Variants in ELAVL2 observed in about 807,000 individuals in gnomAD.
The protein encoded by ELAVL2 is ELAV-like protein 2.
ELAVL2 carries 4 observed loss-of-function variants against 34.6 expected under a neutral mutation model. The ratio of observed to expected loss-of-function variants is 0.12; its 90% CI spans 0.06 to 0.26. The LOEUF is 0.26. ELAVL2 is among the 10% of genes least tolerant of loss of function. The pLI, the probability that ELAVL2 is intolerant of heterozygous loss-of-function variation, is 1.00. For missense variants in ELAVL2, 432 were observed against 442.8 expected (o/e 0.98, Z 0.22); for synonymous variants, 193 against 154.8 (o/e 1.25, Z -1.83).
chr9:23,792,887 C>T (rs1459564073), intron 1 of ELAVL2, among the ~76,000 whole-genome samples: 1 of 152,134 alleles, frequency 6.6e-6, no homozygotes, highest in East Asian at 1.9e-4. Flanking sequence ...CCTCCCCCGT[C>T]GGCCTTCCAA....
At chr9:23,779,157 T>C in intron 1 of ELAVL2, 2 of 981,916 alleles carry the variant, frequency 2.0e-6, no homozygotes, top group South Asian at 4.7e-5. Flanking sequence ...AACTGTCTCA[T>C]GACAAACCAC....
At chr9:23,789,488 G>C (rs904343651) in intron 1 of ELAVL2, among the ~76,000 whole-genome samples, 2 of 152,060 alleles carry the variant, frequency 1.3e-5, no homozygotes, top group African/African-American at 4.8e-5. Flanking sequence ...AATACAATTC[G>C]GTAAAACTTT....
chr9:23,781,850 A>G (rs942710060), intron 1 of ELAVL2, among the ~76,000 whole-genome samples: 18 of 152,028 alleles, frequency 1.2e-4, no homozygotes, highest in African/African-American at 4.3e-4. Flanking sequence ...ACGCCCGGCT[A>G]ATTTTTTGTA....
intron 3 of ELAVL2, among the ~76,000 whole-genome samples, chr9:23,719,048 A>G (rs944073236): frequency 5.9e-5 from 9 of 152,212 alleles, no homozygotes; most frequent in African/African-American, 1.9e-4. Flanking sequence ...TAAAGAGACC[A>G]TATCATTGCC....
chr9:23,719,781 G>T (rs2043189044), intron 3 of ELAVL2, among the ~76,000 whole-genome samples: 1 of 151,156 alleles, frequency 6.6e-6, no homozygotes. Context: ...TGGTTGGCAG[G>T]CTATAAAAAT....
At chr9:23,711,027 A>G (rs1353854773) in intron 3 of ELAVL2, among the ~76,000 whole-genome samples, 1 of 152,214 alleles carries the variant, frequency 6.6e-6, no homozygotes, top group African/African-American at 2.4e-5. Flanking sequence ...TCAAACACAC[A>G]TCAAGGCATA....
At chr9:23,749,547 G>C (rs1180481616) in intron 2 of ELAVL2, among the ~76,000 whole-genome samples, 1 of 151,962 alleles carries the variant, frequency 6.6e-6, no homozygotes. Flanking sequence ...CAAAATCCAA[G>C]GTGGCATAAT....
intron 3 of ELAVL2, among the ~76,000 whole-genome samples, chr9:23,706,230 A>C (rs2039288048): frequency 6.6e-6 from 1 of 152,172 alleles, no homozygotes; most frequent in Non-Finnish European, 1.5e-5. Context: ...AGGACGAAAG[A>C]CAAAATAGGT....
At chr9:23,807,055 A>G (rs1257458754) in intron 1 of ELAVL2, among the ~76,000 whole-genome samples, 1 of 152,176 alleles carries the variant, frequency 6.6e-6, no homozygotes, top group Non-Finnish European at 1.5e-5. Flanking sequence ...ATCCATGTTA[A>G]ATCAAACAAT....
chr9:23,797,193 T>A (rs760018310), intron 1 of ELAVL2, among the ~76,000 whole-genome samples: 2 of 152,084 alleles, frequency 1.3e-5, no homozygotes, highest in Non-Finnish European at 1.5e-5. Context: ...CCAGAATGAA[T>A]CCTACTAATT....
chr9:23,717,803 T>C (rs1051260873), intron 3 of ELAVL2, among the ~76,000 whole-genome samples: 2 of 152,198 alleles, frequency 1.3e-5, no homozygotes, highest in African/African-American at 4.8e-5. Flanking sequence ...TGTCTTATTT[T>C]AATGCTGTTC....
chr9:23,792,875 A>T (rs922193774), intron 1 of ELAVL2, among the ~76,000 whole-genome samples: 1 of 151,940 alleles, frequency 6.6e-6, no homozygotes. Flanking sequence ...GAATCATGCT[A>T]TCCTCCCCCG....
intron 2 of ELAVL2, among the ~76,000 whole-genome samples, chr9:23,741,929 G>A (rs2049302239): frequency 6.6e-6 from 1 of 152,150 alleles, no homozygotes; most frequent in Admixed American, 6.5e-5. Flanking sequence ...CAAGTGGCAA[G>A]CAGCTGAACC....
chr9:23,751,235 AATG>A (rs1173976654), intron 2 of ELAVL2, among the ~76,000 whole-genome samples: 1 of 152,214 alleles, frequency 6.6e-6, no homozygotes, highest in Non-Finnish European at 1.5e-5. Context: ...CAAAAAGTAC[AATG>A]ATGAGAAAAG....
intron 2 of ELAVL2, among the ~76,000 whole-genome samples, chr9:23,734,571 AC>A (rs952303535): frequency 6.6e-6 from 1 of 152,160 alleles, no homozygotes; most frequent in Non-Finnish European, 1.5e-5. Flanking sequence ...ACTAGTTTGT[AC>A]CCAATATGCC....
intron 5 of ELAVL2, among the ~76,000 whole-genome samples, chr9:23,695,910 T>A (rs770262808): frequency 3.2e-4 from 48 of 152,154 alleles, no homozygotes; most frequent in Non-Finnish European, 5.1e-4. Flanking sequence ...TCGTTTTCCA[T>A]CCTCCATCTC....
At position 23,825,153 on chromosome 9, in the gene ELAVL2, T is replaced by C. The variant is rs545669748; in HGVS notation, c.-16+653A>G. Among the ~76,000 whole-genome samples, 27 of 152,296 alleles carry C rather than the reference T, an allele frequency of 1.8e-4. No homozygotes were observed. In the East Asian group the frequency reaches 4.2e-3, roughly 24 times the overall value. On this transcript the variant is annotated intron_variant, in intron 1 of 6. Coordinates refer to ENST00000397312, the MANE Select transcript of ELAVL2 (RefSeq NM_004432.5). ...TTCTTTTAAAACTGAATTATGATAA[T>C]TGGAGTCCGTGAATCAGAGCCCGCA... is the stretch of plus-strand genomic sequence containing the variant.
At chr9:23,822,909 C>A (rs1159570015) in intron 1 of ELAVL2, among the ~76,000 whole-genome samples, 1 of 152,206 alleles carries the variant, frequency 6.6e-6, no homozygotes, top group Non-Finnish European at 1.5e-5. Flanking sequence ...CTCCCCGCCC[C>A]CATGCGACGG....
At chr9:23,841,272 T>G in the ELAVL2 span, among the ~76,000 whole-genome samples, 1 of 152,124 alleles carries the variant, frequency 6.6e-6, no homozygotes, top group African/African-American at 2.4e-5. Context: ...CCACCATTTG[T>G]GCCTAGGGCA....
Sources: gnomAD v4.1 joint callset for allele counts (sites outside exome capture counted in the v4.1 genomes callset) on GRCh38, gnomAD v4.1.1 for gene constraint, MANE v1.5 for transcripts, NCBI Gene and HGNC (gene_info 2026-07-23, HGNC 2026-07-21) for gene names.